Variants in COL12A1 observed in about 807,000 individuals in gnomAD.
The protein encoded by COL12A1 is collagen alpha-1(XII) chain.
COL12A1 carries 114 observed loss-of-function variants against 349.7 expected under a neutral mutation model. The observed-to-expected ratio is 0.33, with a 90% CI of 0.28 to 0.38. COL12A1 has a LOEUF of 0.38. COL12A1 is among the 10% of genes least tolerant of loss of function. The pLI is 1.00. For missense variants in COL12A1, 3,284 were observed against 3,756.9 expected, an observed-to-expected ratio of 0.87 and a Z score of 3.29; for synonymous variants, 1,369 against 1,329.0, an observed-to-expected ratio of 1.03 and a Z score of -0.66.
At chr6:75,135,450 G>A (rs745318806) in intron 31 of COL12A1, among the ~76,000 whole-genome samples, 108 of 152,252 alleles carry the variant, frequency 7.1e-4, no homozygotes, top group African/African-American at 2.1e-3. Flanking sequence ...TACCAGCCCC[G>A]TGGTATGAAG....
Position 75,183,298 on chromosome 6 carries a change from A to G in COL12A1, c.1643T>C (p.Ile548Thr). The change falls in exon 10 of 66, where the codon ATC (isoleucine) becomes ACC (threonine). Residue 548 changes from isoleucine (I) to threonine (T), a missense_variant. Physicochemically the swap from Ile to Thr is moderately conservative, Grantham distance 89 (BLOSUM62 -1). Around this residue, in one of 2 missense-constraint regions of COL12A1, gnomAD observed 2,601 missense variants for 2,824.8 expected, o/e 0.92. Transcript: ENST00000322507. ...AGCATCTGATGATTTCCCATCCGTG[A>G]TAAGAATCATGACCTTTGGCACATT... ...RSNVPKVMIL[I>T]TDGKSSDAFR... 1 of 1,614,232 alleles carries G rather than the reference A, an allele frequency of 6.2e-7. No individual in the cohort carries two copies. Among genetic ancestry groups the G allele is most frequent in the Non-Finnish European group, 8.5e-7 (1 of 1,180,030 alleles).
chr6:75,113,797 A>G, intron 49 of COL12A1, 53 bp from the exon 50 acceptor site: 1 of 1,363,930 alleles, frequency 7.3e-7, no homozygotes, highest in East Asian at 2.4e-5. Context: ...AAAAGAAAGG[A>G]AGAAAGAAAG....
intron 7 of COL12A1, among the ~76,000 whole-genome samples, chr6:75,188,830 CT>C (rs1226370138): frequency 6.6e-6 from 1 of 152,096 alleles, no homozygotes; most frequent in Admixed American, 6.6e-5. Context: ...AAAGATAATA[CT>C]TTTTTCTTCC....
chr6:75,125,703 C>T (rs934056577), intron 39 of COL12A1, among the ~76,000 whole-genome samples: 1 of 152,000 alleles, frequency 6.6e-6, no homozygotes, highest in Admixed American at 6.6e-5. Context: ...TTACCAACCC[C>T]ACTTTCTTTT....
chr6:75,195,998 A>G (rs1275103486), intron 2 of COL12A1, among the ~76,000 whole-genome samples: 2 of 152,222 alleles, frequency 1.3e-5, no homozygotes, highest in African/African-American at 4.8e-5. Flanking sequence ...AGCATCATGC[A>G]TGTGTCAATG....
At chr6:75,097,547 G>A (rs1175148268) in intron 58 of COL12A1, among the ~76,000 whole-genome samples, 1 of 152,158 alleles carries the variant, frequency 6.6e-6, no homozygotes, top group African/African-American at 2.4e-5. Context: ...TCATTCACTT[G>A]TATAGTTATA....
intron 64 of COL12A1, 80 bp from the exon 65 acceptor site, chr6:75,087,827 AC>A: frequency 7.2e-7 from 1 of 1,389,590 alleles, no homozygotes; most frequent in Non-Finnish European, 9.9e-7. Flanking sequence ...TTTAAGTGGC[AC>A]CTCCACTGTC....
intron 27 of COL12A1, among the ~76,000 whole-genome samples, chr6:75,140,413 T>C (rs1766831763): frequency 1.3e-5 from 2 of 152,100 alleles, no homozygotes; most frequent in Admixed American, 6.5e-5. Flanking sequence ...TCCCAGCACT[T>C]TGGGAGACCG....
rs1384192605 is a variant in COL12A1, at chr6:75,183,975, G to A, written c.1167C>T (p.Leu389=). Residue 389 remains leucine, a synonymous_variant, in exon 9 of 66, where the codon CTC becomes CTT. Transcript: ENST00000322507. The stretch of plus-strand genomic sequence containing the variant: ...TGTCTGCTGAGAGGTCGCGAACACT[G>A]AGCGTGGTTGTCTGAGGCCCCACAC... ...ALSVGPQTTT[L]SVRDLSADTE... is the part of the protein sequence containing the mutation. 1.9e-6 allele frequency: 3 copies of A among 1,614,196 alleles called. No homozygotes were observed. Among genetic ancestry groups the A allele is most frequent in the Admixed American group, 3.3e-5 (2 of 60,024 alleles).
chr6:75,167,713 T>C lies in COL12A1; in HGVS notation c.2711-1934A>G, dbSNP rs574806927. ...TGAAGCAAAAATACATTCACAAAGA[T>C]ATTTCTGGGCTTAAAACAAAAGGAT... On this transcript the variant is annotated intron_variant, in intron 13 of 65. Coordinates refer to ENST00000322507, the MANE Select transcript of COL12A1 (RefSeq NM_004370.6). 4.6e-5 allele frequency among the ~76,000 whole-genome samples: 7 copies of C among 152,260 alleles called. No individual in the cohort carries two copies. The East Asian group carries it at 1.2e-3, about 25-fold the overall frequency.
intron 30 of COL12A1, 140 bp from the exon 31 acceptor site, chr6:75,137,719 T>C (rs1248722621): frequency 4.3e-6 from 4 of 929,318 alleles, no homozygotes; most frequent in Non-Finnish European, 6.4e-6. Flanking sequence ...AAAATGGTTA[T>C]TGATTCTTAA....
chr6:75,120,124 A>G (rs774180706), intron 44 of COL12A1, among the ~76,000 whole-genome samples: 1 of 152,184 alleles, frequency 6.6e-6, no homozygotes, highest in Non-Finnish European at 1.5e-5. Flanking sequence ...ACTGGTACAT[A>G]GATGTTAATA....
intron 14 of COL12A1, among the ~76,000 whole-genome samples, chr6:75,159,530 A>G (rs1562248303): frequency 6.6e-6 from 1 of 150,514 alleles, no homozygotes; most frequent in East Asian, 1.9e-4. Context: ...ACAAGAAAGA[A>G]TAGTATATAG....
chr6:75,189,408 T>C (rs776432992), intron 6 of COL12A1, 27 bp from the exon 7 acceptor site: 1 of 1,606,034 alleles, frequency 6.2e-7, no homozygotes, highest in Admixed American at 1.7e-5. Flanking sequence ...CATGTTCATT[T>C]ACTCTGTACT....
chr6:75,170,705 G>C (rs943662880), intron 13 of COL12A1, among the ~76,000 whole-genome samples: 1 of 152,190 alleles, frequency 6.6e-6, no homozygotes, highest in African/African-American at 2.4e-5. Context: ...CAACGTCAGA[G>C]TTATTATACC....
At chr6:75,087,852 A>T (rs1261445773) in intron 64 of COL12A1, 105 bp from the exon 65 acceptor site, 6 of 1,173,952 alleles carry the variant, frequency 5.1e-6, no homozygotes, top group Non-Finnish European at 7.3e-6. Context: ...AAATTAGACA[A>T]TTTACTATTG....
Position 75,119,447 on chromosome 6 carries a change from C to T in COL12A1, c.7113G>A (p.Glu2371=). The change falls in exon 45 of 66, where the codon GAG becomes GAA. Residue 2371 remains glutamate, a synonymous_variant. Coordinates refer to ENST00000322507, the MANE Select transcript of COL12A1 (RefSeq NM_004370.6). ...IQVSFVQYSD[E]VKSEFKLNTY... Reference sequence around the variant, plus strand: ...TGTTCAGCTTGAACTCAGACTTGACCTCATCGCTGTATTGCACAAATGAAA... The same window carrying T: ...TGTTCAGCTTGAACTCAGACTTGACTTCATCGCTGTATTGCACAAATGAAA... The T allele has an allele frequency of 6.2e-7, 1 of 1,613,518 alleles. No homozygotes were observed. The highest frequency in any genetic ancestry group is 8.5e-7 in the Non-Finnish European group (1 of 1,179,738).
Position 75,152,342 on chromosome 6 carries a change from C to A in COL12A1, c.3706G>T (p.Val1236Leu). Residue 1236 changes from valine to leucine, a missense_variant, in exon 18 of 66, where the codon GTA becomes TTA. Coordinates refer to ENST00000322507, the MANE Select transcript of COL12A1 (RefSeq NM_004370.6). ...TGTTGTCAGAACCTACCAATTTGTA[C>A]TCTTTTGGGGCCAATGTCAAAGACT... ...VEVFDIGPKR[V>L]QIALAQYSGD... is the part of the protein sequence containing the mutation. The A allele has an allele frequency of 1.2e-6, 2 of 1,613,560 alleles. No individual in the cohort carries two copies. Among genetic ancestry groups the A allele is most frequent in the Non-Finnish European group, 1.7e-6 (2 of 1,179,692 alleles).
chr6:75,134,597 A>T, intron 32 of COL12A1, 129 bp downstream of exon 32: 1 of 829,402 alleles, frequency 1.2e-6, no homozygotes, highest in Non-Finnish European at 1.6e-6. Flanking sequence ...AAAAACTATT[A>T]ATATTATTTC....
Sources: gnomAD v4.1 joint callset for allele counts (sites outside exome capture counted in the v4.1 genomes callset) on GRCh38, gnomAD v4.1.1 for gene constraint, gnomAD v4.1.1 regional missense constraint, MANE v1.5 for transcripts, NCBI Gene and HGNC (gene_info 2026-07-23, HGNC 2026-07-21) for gene names.